FCHSD2: variants seen among roughly 807,000 people sequenced by gnomAD.
FCHSD2 encodes the protein FCH and double SH3 domains 2.
A neutral mutation model predicts 108.1 loss-of-function variants in FCHSD2; 38 were observed. The ratio of observed to expected loss-of-function variants is 0.35; its 90% CI spans 0.27 to 0.46. The LOEUF is 0.46. Ranked by LOEUF, FCHSD2 falls within the 20% of genes least tolerant of loss-of-function variation. The pLI is 1.00. For synonymous variants in FCHSD2, 279 were observed against 314.7 expected, an observed-to-expected ratio of 0.89 and a Z score of 1.20; for missense variants, 751 against 897.8, an observed-to-expected ratio of 0.84 and a Z score of 2.09.
At chr11:72,869,281 T>C (rs1372796300) in intron 12 of FCHSD2, among the ~76,000 whole-genome samples, 1 of 152,176 alleles carries the variant, frequency 6.6e-6, no homozygotes, top group Non-Finnish European at 1.5e-5. Flanking sequence ...TTCCCTCAAA[T>C]TAATTAAGTT....
intron 3 of FCHSD2, among the ~76,000 whole-genome samples, chr11:73,069,277 C>G (rs1346919895): frequency 7.2e-6 from 1 of 139,756 alleles, no homozygotes; most frequent in East Asian, 2.1e-4. Flanking sequence ...CACCACTGCA[C>G]TCCAGCCTGG....
intron 2 of FCHSD2, among the ~76,000 whole-genome samples, chr11:73,116,346 A>T (rs1336800365): frequency 1.3e-5 from 2 of 152,208 alleles, no homozygotes; most frequent in African/African-American, 4.8e-5. Context: ...CTGGCATATA[A>T]TTTGATTGCT....
chr11:73,046,152 T>C (rs1242037653), intron 3 of FCHSD2, among the ~76,000 whole-genome samples: 1 of 151,944 alleles, frequency 6.6e-6, no homozygotes, highest in African/African-American at 2.4e-5. Context: ...CATGATGCCA[T>C]GCTGATTTTT....
intron 8 of FCHSD2, among the ~76,000 whole-genome samples, chr11:72,939,315 A>G (rs548443348): frequency 6.6e-6 from 1 of 152,174 alleles, no homozygotes; most frequent in South Asian, 2.1e-4. Flanking sequence ...GTAACTAAGC[A>G]TTTTTCCCCC....
chr11:72,907,016 T>C (rs935763784), intron 9 of FCHSD2, among the ~76,000 whole-genome samples: 5 of 152,184 alleles, frequency 3.3e-5, no homozygotes, highest in African/African-American at 9.7e-5. Context: ...CCTTGGGCAG[T>C]ATGGCCATTT....
At chr11:73,029,968 G>C (rs1858320265) in intron 3 of FCHSD2, among the ~76,000 whole-genome samples, 1 of 152,036 alleles carries the variant, frequency 6.6e-6, no homozygotes. Context: ...CAGAAAGAGG[G>C]AGAATCTGAT....
chr11:73,107,521 G>A (rs1315568372), intron 2 of FCHSD2, among the ~76,000 whole-genome samples: 2 of 152,052 alleles, frequency 1.3e-5, no homozygotes, highest in Non-Finnish European at 2.9e-5. Flanking sequence ...TCACCCTGTT[G>A]TGCTATCAAA....
chr11:72,947,307 C>G (rs1856539201), intron 8 of FCHSD2, among the ~76,000 whole-genome samples: 1 of 152,166 alleles, frequency 6.6e-6, no homozygotes, highest in African/African-American at 2.4e-5. Flanking sequence ...CAGACTCACA[C>G]TCAGGCCCAC....
chr11:72,945,999 G>T (rs1426524011), intron 8 of FCHSD2, among the ~76,000 whole-genome samples: 1 of 152,004 alleles, frequency 6.6e-6, no homozygotes, highest in Non-Finnish European at 1.5e-5. Context: ...GATTCCTCAG[G>T]GATCTAGAAC....
At chr11:73,091,023 C>T (rs771745452) in intron 2 of FCHSD2, among the ~76,000 whole-genome samples, 2 of 152,046 alleles carry the variant, frequency 1.3e-5, no homozygotes, top group East Asian at 3.8e-4. Context: ...TATATGTGAC[C>T]TTTTGTGTCT....
chr11:73,110,663 A>G (rs1860461229), intron 2 of FCHSD2, among the ~76,000 whole-genome samples: 1 of 151,890 alleles, frequency 6.6e-6, no homozygotes, highest in Non-Finnish European at 1.5e-5. Flanking sequence ...CTTCATTTCA[A>G]TTTATTTCTG....
intron 11 of FCHSD2, among the ~76,000 whole-genome samples, chr11:72,888,988 G>A (rs141250039): frequency 6.6e-6 from 1 of 150,798 alleles, no homozygotes; most frequent in East Asian, 2.0e-4. Flanking sequence ...ACAGAGTCTC[G>A]CTGTCGCCCA....
At chr11:72,964,704 C>A (rs1472586321) in intron 8 of FCHSD2, among the ~76,000 whole-genome samples, 1 of 152,148 alleles carries the variant, frequency 6.6e-6, no homozygotes, top group Non-Finnish European at 1.5e-5. Flanking sequence ...ATGGTAATAG[C>A]CTTACTGGTA....
At chr11:73,109,342 T>C (rs1860427094) in intron 2 of FCHSD2, among the ~76,000 whole-genome samples, 1 of 152,214 alleles carries the variant, frequency 6.6e-6, no homozygotes, top group Non-Finnish European at 1.5e-5. Context: ...ATATTGATTC[T>C]CCCAATCCAT....
intron 2 of FCHSD2, among the ~76,000 whole-genome samples, chr11:73,099,908 G>C (rs1407376643): frequency 6.6e-6 from 1 of 152,206 alleles, no homozygotes; most frequent in Admixed American, 6.5e-5. Context: ...ACTTGCCTCT[G>C]CCCGTCCCTA....
intron 8 of FCHSD2, among the ~76,000 whole-genome samples, chr11:72,927,593 G>A (rs1300555192): frequency 6.6e-6 from 1 of 152,146 alleles, no homozygotes; most frequent in Admixed American, 6.5e-5. Context: ...AAATTGTTGG[G>A]CCCCACCCAG....
chr11:72,876,238 G>C (rs563775873), intron 12 of FCHSD2, among the ~76,000 whole-genome samples: 1 of 152,286 alleles, frequency 6.6e-6, no homozygotes, highest in Non-Finnish European at 1.5e-5. Flanking sequence ...GCTGAGGTGG[G>C]AGGATTGCTT....
chr11:73,001,181 A>G (rs1857618973), intron 4 of FCHSD2, 47 bp from the exon 5 acceptor site: 1 of 1,587,064 alleles, frequency 6.3e-7, no homozygotes, highest in Non-Finnish European at 8.6e-7. Flanking sequence ...GAACAGGAAG[A>G]AAAAGTTGGC....
At chr11:72,946,289 C>T (rs1856517483) in intron 8 of FCHSD2, among the ~76,000 whole-genome samples, 1 of 151,120 alleles carries the variant, frequency 6.6e-6, no homozygotes, top group Admixed American at 6.6e-5. Flanking sequence ...AGCAGACTAT[C>T]GCAAGGACAA....
Sources: allele counts gnomAD v4.1 joint callset (sites outside exome capture counted in the v4.1 genomes callset), GRCh38; gene constraint gnomAD v4.1.1; transcripts MANE v1.5; gene names NCBI Gene and HGNC (gene_info 2026-07-23, HGNC 2026-07-21).